The following NCOA7 variants were observed in gnomAD, a reference collection of about 807,000 sequenced individuals.
NCOA7 encodes 140 kDa estrogen receptor-associated protein.
Under a neutral mutation model 104.3 loss-of-function variants are expected in NCOA7, and 45 were observed. The observed-to-expected ratio is 0.43, with a 90% CI of 0.34 to 0.55. The LOEUF is 0.55. NCOA7 is among the 20% of genes least tolerant of loss of function. NCOA7 has a pLI of 0.02. For missense variants in NCOA7, 1,041 were observed against 1,119.7 expected (o/e 0.93, Z 1.00); for synonymous variants, 398 against 402.3 (o/e 0.99, Z 0.13).
chr6:125,846,624 C>T (rs911245416), intron 2 of NCOA7, among the ~76,000 whole-genome samples: 1 of 152,130 alleles, frequency 6.6e-6, no homozygotes, highest in African/African-American at 2.4e-5. Flanking sequence ...ATTTTCAGGC[C>T]CCCACATAGT....
chr6:125,921,633 A>T (rs1787595540), intron 12 of NCOA7, among the ~76,000 whole-genome samples: 1 of 152,102 alleles, frequency 6.6e-6, no homozygotes, highest in African/African-American at 2.4e-5. Flanking sequence ...TTCTAATCTT[A>T]AAAAAATAAA....
chr6:125,896,013 A>AAT (rs558029765), intron 10 of NCOA7, among the ~76,000 whole-genome samples: 17 of 147,564 alleles, frequency 1.2e-4, no homozygotes, highest in East Asian at 9.7e-4. Context: ...ATATATATAA[A>AAT]ATATATATAT....
intron 1 of NCOA7, among the ~76,000 whole-genome samples, chr6:125,803,432 A>C (rs1201615990): frequency 6.6e-6 from 1 of 152,244 alleles, no homozygotes; most frequent in African/African-American, 2.4e-5. Flanking sequence ...TTGTAGGCAC[A>C]AAACAGGTTC....
At chr6:125,877,314 C>T (rs140833533) in intron 4 of NCOA7, among the ~76,000 whole-genome samples, 44 of 152,306 alleles carry the variant, frequency 2.9e-4, no homozygotes, top group African/African-American at 1.0e-3. Flanking sequence ...CCACATCTTC[C>T]TTCAGCCTCC....
intron 2 of NCOA7, among the ~76,000 whole-genome samples, chr6:125,845,693 G>A (rs1780543353): frequency 6.6e-6 from 1 of 152,162 alleles, no homozygotes; most frequent in Non-Finnish European, 1.5e-5. Flanking sequence ...TGTGAACCAG[G>A]GAGTCGGAGG....
intron 1 of NCOA7, among the ~76,000 whole-genome samples, chr6:125,802,021 A>C (rs1335314443): frequency 6.6e-6 from 1 of 152,218 alleles, no homozygotes; most frequent in Non-Finnish European, 1.5e-5. Context: ...CCCCATAGCC[A>C]TGCAAAGTGG....
chr6:125,891,327 T>C (rs1319574642), intron 10 of NCOA7, among the ~76,000 whole-genome samples: 2 of 152,264 alleles, frequency 1.3e-5, no homozygotes, highest in African/African-American at 4.8e-5. Context: ...ATATTTTCAA[T>C]TCACCAAAGA....
intron 2 of NCOA7, among the ~76,000 whole-genome samples, chr6:125,853,612 T>C (rs1217498327): frequency 6.6e-6 from 1 of 152,198 alleles, no homozygotes. Context: ...TTAAAATACC[T>C]TGTTGGAATA....
Position 125,889,920 on chromosome 6 carries a change from A to G in NCOA7, c.1866A>G (p.Gln622=), listed in dbSNP as rs555189159. ...TGGACAACAGCTGTCAAGGTGCACA[A>G]ATGGATAATAAATCTGAAGTTCAGT... ...STLDNSCQGA[Q]MDNKSEVQLW... is the part of the protein sequence containing the mutation. Residue 622 remains glutamine, a synonymous_variant, in exon 9 of 16, where the codon CAA becomes CAG. Coordinates refer to ENST00000392477, the MANE Select transcript of NCOA7 (RefSeq NM_181782.5). 59 of 1,585,094 alleles carry G rather than the reference A, an allele frequency of 3.7e-5. No individual in the cohort carries two copies. In the African/African-American group the frequency reaches 7.1e-4, roughly 19 times the overall value.
chr6:125,881,281 C>G, intron 6 of NCOA7, 78 bp downstream of exon 6: 1 of 1,016,030 alleles, frequency 9.8e-7, no homozygotes. Flanking sequence ...TGTTATTTTT[C>G]ACAAGATTAC....
intron 1 of NCOA7, among the ~76,000 whole-genome samples, chr6:125,799,032 C>T (rs1033645736): frequency 6.6e-6 from 1 of 152,050 alleles, no homozygotes. Flanking sequence ...AATAAGCAGA[C>T]CAAGTAAAAT....
At chr6:125,918,992 A>T (rs1787325093) in intron 11 of NCOA7, among the ~76,000 whole-genome samples, 1 of 152,146 alleles carries the variant, frequency 6.6e-6, no homozygotes. Context: ...AGGCAGGGCT[A>T]GAAAAGCTAG....
intron 9 of NCOA7, 32 bp downstream of exon 9, chr6:125,890,013 C>T: frequency 1.4e-6 from 2 of 1,446,202 alleles, no homozygotes; most frequent in Non-Finnish European, 1.8e-6. Flanking sequence ...CCTTTATATT[C>T]TGTTGCATAA....
At chr6:125,870,132 C>A (rs982610390) in intron 3 of NCOA7, among the ~76,000 whole-genome samples, 1 of 152,154 alleles carries the variant, frequency 6.6e-6, no homozygotes, top group Non-Finnish European at 1.5e-5. Flanking sequence ...GGTGTTGAGA[C>A]CCCCACCCCA....
At chr6:125,926,619 G>C (rs1313340469) in intron 13 of NCOA7, among the ~76,000 whole-genome samples, 1 of 152,110 alleles carries the variant, frequency 6.6e-6, no homozygotes, top group Non-Finnish European at 1.5e-5. Context: ...TTGGTAGCAA[G>C]AAGTATGAAA....
At chr6:125,831,991 A>C (rs1403585632) in intron 2 of NCOA7, among the ~76,000 whole-genome samples, 1 of 152,104 alleles carries the variant, frequency 6.6e-6, no homozygotes, top group Non-Finnish European at 1.5e-5. Context: ...TCTTCCACAG[A>C]CTCATTTGTG....
intron 10 of NCOA7, among the ~76,000 whole-genome samples, chr6:125,898,578 T>A (rs2128668669): frequency 6.6e-6 from 1 of 152,292 alleles, no homozygotes; most frequent in South Asian, 2.1e-4. Context: ...TAGTTCCTCT[T>A]CTTAAAACCT....
At chr6:125,824,710 T>A (rs1273572276) in intron 2 of NCOA7, among the ~76,000 whole-genome samples, 1 of 152,124 alleles carries the variant, frequency 6.6e-6, no homozygotes, top group Admixed American at 6.5e-5. Context: ...CAAGACAGAT[T>A]CCAGGGAAAG....
chr6:125,848,737 A>G (rs1002125057), intron 2 of NCOA7, among the ~76,000 whole-genome samples: 1 of 152,212 alleles, frequency 6.6e-6, no homozygotes, highest in East Asian at 1.9e-4. Flanking sequence ...AACATGGCAC[A>G]TGTATACTTA....
Sources: allele counts gnomAD v4.1 joint callset (sites outside exome capture counted in the v4.1 genomes callset), GRCh38; gene constraint gnomAD v4.1.1; transcripts MANE v1.5; gene names NCBI Gene and HGNC (gene_info 2026-07-23, HGNC 2026-07-21).